Variants in CYP39A1 observed in about 807,000 individuals in gnomAD.
CYP39A1 encodes the protein cytochrome P450 family 39 subfamily A member 1.
In CYP39A1, 49 loss-of-function variants were observed where a neutral mutation model predicts 58.1. The observed-to-expected ratio is 0.84, with a 90% confidence interval of 0.67 to 1.07. The LOEUF (loss-of-function observed/expected upper bound fraction) is 1.07. CYP39A1 is among the 50% of genes least tolerant of loss of function. CYP39A1 has a pLI of 0.00. For synonymous variants in CYP39A1, 209 were observed against 187.6 expected (o/e 1.11, Z -0.93); for missense variants, 531 against 539.4 (o/e 0.98, Z 0.16).
chr6:46,571,335 C>T (rs767012905), intron 10 of CYP39A1, among the ~76,000 whole-genome samples: 9 of 152,052 alleles, frequency 5.9e-5, no homozygotes, highest in Non-Finnish European at 8.8e-5. Flanking sequence ...AAGTCCCTTA[C>T]TATTATTGCA....
intron 7 of CYP39A1, among the ~76,000 whole-genome samples, chr6:46,619,544 A>G (rs994139806): frequency 6.6e-6 from 1 of 152,068 alleles, no homozygotes; most frequent in East Asian, 1.9e-4. Context: ...AGTTGGGGAA[A>G]GTGACTTTAG....
At chr6:46,613,534 A>T (rs1774341470) in intron 7 of CYP39A1, among the ~76,000 whole-genome samples, 1 of 152,228 alleles carries the variant, frequency 6.6e-6, no homozygotes, top group African/African-American at 2.4e-5. Context: ...TTCCTTGCAA[A>T]TTAACAGAAA....
intron 10 of CYP39A1, among the ~76,000 whole-genome samples, chr6:46,571,223 A>G (rs1771570504): frequency 2.6e-5 from 4 of 152,082 alleles, no homozygotes; most frequent in Admixed American, 2.6e-4. Flanking sequence ...TGTTCTGTAT[A>G]TGTCTGTTAG....
intron 10 of CYP39A1, among the ~76,000 whole-genome samples, chr6:46,566,497 G>A (rs1226736654): frequency 5.9e-5 from 9 of 152,078 alleles, no homozygotes; most frequent in Admixed American, 5.2e-4. Context: ...ATCAGATCTC[G>A]TGAGAACTCA....
intron 5 of CYP39A1, among the ~76,000 whole-genome samples, chr6:46,636,078 A>T (rs1212418365): frequency 6.6e-6 from 1 of 152,106 alleles, no homozygotes; most frequent in Non-Finnish European, 1.5e-5. Flanking sequence ...GTTTTTCCTA[A>T]TTTGCCATTA....
chr6:46,559,539 T>C (rs551800918), intron 10 of CYP39A1, among the ~76,000 whole-genome samples: 52 of 152,300 alleles, frequency 3.4e-4, no homozygotes, highest in South Asian at 1.0e-3. Flanking sequence ...ATTTACACTA[T>C]CTTGTGTGAT....
intron 10 of CYP39A1, among the ~76,000 whole-genome samples, chr6:46,570,147 T>G (rs1346194004): frequency 6.6e-6 from 1 of 152,142 alleles, no homozygotes; most frequent in Non-Finnish European, 1.5e-5. Flanking sequence ...TTTATTTAAA[T>G]GCACATAGTA....
chr6:46,582,998 T>A (rs1772231682), intron 10 of CYP39A1: 1 of 922,932 alleles, frequency 1.1e-6, no homozygotes, highest in Non-Finnish European at 1.3e-6. Context: ...CTGATTTTAA[T>A]TAATTTTCCA....
At chr6:46,603,286 T>A (rs192328986) in intron 7 of CYP39A1, among the ~76,000 whole-genome samples, 1 of 152,330 alleles carries the variant, frequency 6.6e-6, no homozygotes, top group East Asian at 1.9e-4. Flanking sequence ...TTTCCTTTTG[T>A]TCCTAAGCAA....
At chr6:46,648,038 A>G (rs931211546) in intron 1 of CYP39A1, among the ~76,000 whole-genome samples, 6 of 152,192 alleles carry the variant, frequency 3.9e-5, no homozygotes, top group Non-Finnish European at 7.3e-5. Flanking sequence ...ATGTGGAGAA[A>G]TAGGAACACT....
At chr6:46,624,529 T>A (rs1249958446) in intron 7 of CYP39A1, among the ~76,000 whole-genome samples, 1 of 152,168 alleles carries the variant, frequency 6.6e-6, no homozygotes. Context: ...CCAAGCCAGT[T>A]TACTTTTTGG....
intron 6 of CYP39A1, among the ~76,000 whole-genome samples, chr6:46,628,388 G>A (rs1775446737): frequency 6.6e-6 from 1 of 150,810 alleles, no homozygotes; most frequent in South Asian, 2.1e-4. Flanking sequence ...GCTACTGAAA[G>A]TATTTAGAAA....
intron 5 of CYP39A1, among the ~76,000 whole-genome samples, chr6:46,634,597 C>A (rs1172442216): frequency 1.3e-5 from 2 of 150,334 alleles, no homozygotes; most frequent in Non-Finnish European, 3.0e-5. Flanking sequence ...TCTCGGCGCA[C>A]CATAACCTCC....
intron 10 of CYP39A1, among the ~76,000 whole-genome samples, chr6:46,568,472 C>T (rs181786096): frequency 1.3e-5 from 2 of 151,766 alleles, no homozygotes; most frequent in African/African-American, 4.8e-5. Flanking sequence ...AAAATTAATG[C>T]CAAATCCAAT....
chr6:46,625,435 G>T lies in CYP39A1; in HGVS notation c.914C>A (p.Ser305Tyr). ...IHKAIMEGIS[S>Y]VFGKAGKDKI... ...TTTAGTACCTGCTTTGCCAAACACAGAAGATATGCCTTCCATAATGGCCTT... is the reference window on the plus strand; with the variant it reads ...TTTAGTACCTGCTTTGCCAAACACATAAGATATGCCTTCCATAATGGCCTT... Residue 305 changes from serine (S) to tyrosine (Y), a missense_variant, in exon 7 of 12, where the codon TCT becomes TAT. Coordinates refer to ENST00000275016, the MANE Select transcript of CYP39A1 (RefSeq NM_016593.5). The T allele has an allele frequency of 6.2e-7, 1 of 1,609,284 alleles. No homozygotes were observed.
intron 8 of CYP39A1, among the ~76,000 whole-genome samples, chr6:46,588,623 G>A (rs1273955656): frequency 1.3e-5 from 2 of 152,042 alleles, no homozygotes; most frequent in African/African-American, 4.8e-5. Context: ...GGCAGAGGAT[G>A]TCCTGTTCTT....
intron 7 of CYP39A1, among the ~76,000 whole-genome samples, chr6:46,624,284 T>C (rs138515332): frequency 6.4e-4 from 98 of 152,262 alleles, no homozygotes; most frequent in Admixed American, 2.6e-3. Flanking sequence ...CAATCAAGAG[T>C]GCATTGCCTT....
chr6:46,611,366 A>G (rs773945268), intron 7 of CYP39A1, among the ~76,000 whole-genome samples: 7 of 152,252 alleles, frequency 4.6e-5, no homozygotes, highest in Non-Finnish European at 8.8e-5. Context: ...AGTGCGAAAG[A>G]TATGAAGGAC....
intron 11 of CYP39A1, among the ~76,000 whole-genome samples, chr6:46,553,002 T>G (rs1272328222): frequency 6.7e-6 from 1 of 150,058 alleles, no homozygotes; most frequent in Non-Finnish European, 1.5e-5. Flanking sequence ...GAGCTGAGAT[T>G]GTGCCACTGA....
Sources: gnomAD v4.1 joint callset for allele counts (sites outside exome capture counted in the v4.1 genomes callset) on GRCh38, gnomAD v4.1.1 for gene constraint, MANE v1.5 for transcripts, NCBI Gene and HGNC (gene_info 2026-07-23, HGNC 2026-07-21) for gene names.